FARP2: variants seen among roughly 807,000 people sequenced by gnomAD.
FARP2 encodes the protein FERM, ARHGEF and pleckstrin domain-containing protein 2.
In FARP2, 111 loss-of-function variants were observed where a neutral mutation model predicts 130.5. That is an observed-to-expected ratio of 0.85 (90% CI 0.73 to 1.00). The LOEUF (loss-of-function observed/expected upper bound fraction) is 1.00, where lower values mean the gene tolerates loss of function less well. FARP2 is among the 50% of genes least tolerant of loss of function. The pLI is 0.00. For synonymous variants in FARP2, 504 were observed against 516.9 expected (o/e 0.98, Z 0.34); for missense variants, 1,385 against 1,346.3 (o/e 1.03, Z -0.45).
intron 8 of FARP2, among the ~76,000 whole-genome samples, chr2:241,428,613 A>G (rs1373430602): frequency 6.6e-6 from 1 of 151,926 alleles, no homozygotes; most frequent in Non-Finnish European, 1.5e-5. Flanking sequence ...CTTTGAGAAC[A>G]TCTAACTCAG....
At chr2:241,466,480 ACC>A in intron 17 of FARP2, 4 of 985,356 alleles carry the variant, frequency 4.1e-6, no homozygotes, top group Non-Finnish European at 4.8e-6. Flanking sequence ...TCCTCAGCCA[ACC>A]CTGTCCCTTG....
intron 18 of FARP2, among the ~76,000 whole-genome samples, chr2:241,473,227 G>A (rs1164648090): frequency 2.7e-5 from 4 of 150,836 alleles, no homozygotes; most frequent in African/African-American, 9.8e-5. Flanking sequence ...CCTTTTCTAA[G>A]GGGACCCTGT....
chr2:241,376,186 A>G (rs2061532381), intron 2 of FARP2, among the ~76,000 whole-genome samples: 1 of 152,190 alleles, frequency 6.6e-6, no homozygotes, highest in Non-Finnish European at 1.5e-5. Context: ...TTCTCCCTCC[A>G]GCCCACTTGG....
intron 13 of FARP2, among the ~76,000 whole-genome samples, chr2:241,452,942 C>CAA (rs537402564): frequency 5.7e-5 from 7 of 123,718 alleles, no homozygotes; most frequent in African/African-American, 2.1e-4. Flanking sequence ...GACTCGGTCT[C>CAA]AAAAAAAAAA....
chr2:241,356,665 G>A (rs1411967926), intron 1 of FARP2, among the ~76,000 whole-genome samples: 1 of 152,200 alleles, frequency 6.6e-6, no homozygotes, highest in African/African-American at 2.4e-5. Flanking sequence ...CCCGGGTTGA[G>A]GGGTGCCGCG....
intron 13 of FARP2, 169 bp downstream of exon 13, chr2:241,441,725 G>C: frequency 9.8e-7 from 1 of 1,015,434 alleles, no homozygotes; most frequent in African/African-American, 1.6e-5. Flanking sequence ...CCTTCCGGTG[G>C]GGAGCACCGG....
chr2:241,380,492 C>T (rs2061636001), intron 2 of FARP2, among the ~76,000 whole-genome samples: 1 of 152,112 alleles, frequency 6.6e-6, no homozygotes, highest in South Asian at 2.1e-4. Flanking sequence ...CCTTATCTAA[C>T]ATGCTTAGGA....
At chr2:241,421,925 C>G (rs2062818809) in intron 8 of FARP2, among the ~76,000 whole-genome samples, 1 of 152,116 alleles carries the variant, frequency 6.6e-6, no homozygotes, top group Non-Finnish European at 1.5e-5. Context: ...GGGCAGATCA[C>G]TTGAGGTCAG....
intron 2 of FARP2, among the ~76,000 whole-genome samples, chr2:241,382,021 TTAA>T (rs2061672582): frequency 6.6e-6 from 1 of 152,158 alleles, no homozygotes; most frequent in African/African-American, 2.4e-5. Flanking sequence ...CATTATACCA[TTAA>T]TACTTGTACG....
intron 2 of FARP2, among the ~76,000 whole-genome samples, chr2:241,375,142 G>A (rs1233217526): frequency 2.6e-5 from 4 of 151,982 alleles, no homozygotes; most frequent in African/African-American, 7.3e-5. Flanking sequence ...TGGTAGAGAC[G>A]GAGTTTCACC....
intron 1 of FARP2, among the ~76,000 whole-genome samples, chr2:241,364,747 T>C (rs2061266306): frequency 6.6e-6 from 1 of 152,132 alleles, no homozygotes; most frequent in African/African-American, 2.4e-5. Flanking sequence ...TTTAAATCAG[T>C]TTTTTGTTTG....
chr2:241,489,938 T>C, intron 21 of FARP2, 24 bp from the exon 22 acceptor site: 1 of 1,549,574 alleles, frequency 6.5e-7, no homozygotes, highest in Non-Finnish European at 8.9e-7. Context: ...GCCACAAGAC[T>C]TGGACCGTTT....
At chr2:241,484,471 C>CA in intron 21 of FARP2, 140 bp downstream of exon 21, 1 of 665,730 alleles carries the variant, frequency 1.5e-6, no homozygotes, top group Non-Finnish European at 2.7e-6. Context: ...CTGGGAGCAG[C>CA]ACCTGCTGGG....
intron 13 of FARP2, 127 bp downstream of exon 13, chr2:241,441,683 A>C: frequency 7.5e-7 from 1 of 1,327,402 alleles, no homozygotes; most frequent in Non-Finnish European, 1.1e-6. Context: ...AAAAATGACA[A>C]TGGTGGGGAT....
chr2:241,431,639 G>A (rs751350839), intron 8 of FARP2, 40 bp from the exon 9 acceptor site: 3 of 1,004,780 alleles, frequency 3.0e-6, no homozygotes, highest in Non-Finnish European at 4.8e-6. Context: ...GGGGTTATGT[G>A]CCAGATACAA....
At chr2:241,395,329 G>C (rs2062004534) in intron 2 of FARP2, 1 of 152,144 alleles carries the variant, frequency 6.6e-6, no homozygotes, top group African/African-American at 2.4e-5. Context: ...AAAGTTCAAA[G>C]AGCTAAAAAT....
At chr2:241,410,132 A>T (rs779509445) in intron 5 of FARP2, among the ~76,000 whole-genome samples, 4 of 152,248 alleles carry the variant, frequency 2.6e-5, no homozygotes, top group Non-Finnish European at 5.9e-5. Flanking sequence ...GATGGAATAA[A>T]TGAACATATA....
intron 12 of FARP2, among the ~76,000 whole-genome samples, chr2:241,438,898 G>C (rs2063315204): frequency 6.6e-6 from 1 of 151,946 alleles, no homozygotes; most frequent in Non-Finnish European, 1.5e-5. Flanking sequence ...CAAAGTGCTG[G>C]GATTACAGGC....
chr2:241,442,532 G>C (rs1279101664), intron 13 of FARP2: 1 of 453,108 alleles, frequency 2.2e-6, no homozygotes, highest in East Asian at 7.0e-5. Flanking sequence ...AACCCATCTT[G>C]ACCACTCTGG....
Sources: gnomAD v4.1 joint callset for allele counts (sites outside exome capture counted in the v4.1 genomes callset) on GRCh38, gnomAD v4.1.1 for gene constraint, MANE v1.5 for transcripts, NCBI Gene and HGNC (gene_info 2026-07-23, HGNC 2026-07-21) for gene names.